OPHN1: variants seen among roughly 807,000 people sequenced by gnomAD.
OPHN1 encodes the protein oligophrenin 1, also known as oligophrenin-1.
In OPHN1, 11 loss-of-function variants were observed where a neutral mutation model predicts 60.7. That is an observed-to-expected ratio of 0.18 (90% confidence interval 0.11 to 0.30). OPHN1 has a LOEUF of 0.30. Ranked by LOEUF, OPHN1 falls within the 10% of genes least tolerant of loss-of-function variation. The probability of loss-of-function intolerance (pLI) is 1.00; values close to 1 mark genes in which losing one functional copy is unlikely to be tolerated. For synonymous variants in OPHN1, 226 were observed against 222.6 expected, an observed-to-expected ratio of 1.02 and a Z score of -0.14; for missense variants, 449 against 611.0, an observed-to-expected ratio of 0.73 and a Z score of 2.80.
chrX:68,118,888 C>T (rs113092478), intron 16 of OPHN1, among the ~76,000 whole-genome samples: 1,376 of 111,963 alleles, frequency 0.012, 20 homozygotes, highest in African/African-American at 0.043. Context: ...TTATTATCCT[C>T]TAAAACATGT....
chrX:68,234,875 A>G (rs1044554132), intron 5 of OPHN1, among the ~76,000 whole-genome samples: 1 of 112,436 alleles, frequency 8.9e-6, no homozygotes, highest in African/African-American at 3.2e-5. Flanking sequence ...GGGCCTGTGC[A>G]GTAGATATAT....
At chrX:68,183,297 A>G (rs1340909880) in intron 15 of OPHN1, among the ~76,000 whole-genome samples, 2 of 112,102 alleles carry the variant, frequency 1.8e-5, no homozygotes, top group Non-Finnish European at 3.8e-5. Context: ...TGGCTTCAGA[A>G]GATACAATAC....
At chrX:68,283,921 C>A (rs1473832121) in intron 3 of OPHN1, among the ~76,000 whole-genome samples, 1 of 111,927 alleles carries the variant, frequency 8.9e-6, no homozygotes, top group African/African-American at 3.2e-5. Flanking sequence ...AATGACATTT[C>A]TTTCTTCTTC....
At chrX:68,111,987 G>A in intron 17 of OPHN1, 28 bp from the exon 18 acceptor site, 1 of 1,079,501 alleles carries the variant, frequency 9.3e-7, no homozygotes, top group Non-Finnish European at 1.3e-6. Context: ...GAGATAAATG[G>A]TTTGGCTTTC....
At chrX:68,426,962 C>A (rs1429004744) in intron 2 of OPHN1, among the ~76,000 whole-genome samples, 2 of 104,901 alleles carry the variant, frequency 1.9e-5, no homozygotes, top group African/African-American at 3.4e-5. Flanking sequence ...TTTAGAAATT[C>A]TCTTTTAGGC....
chrX:68,258,962 A>G (rs905965412), intron 5 of OPHN1, among the ~76,000 whole-genome samples: 1 of 112,241 alleles, frequency 8.9e-6, no homozygotes, highest in African/African-American at 3.2e-5. Flanking sequence ...ATGAGTGATG[A>G]TATAAATTGA....
rs960901605 is a variant in OPHN1 at position 68,113,474 on chromosome X, G to A, written c.1362-235C>T. Among the ~76,000 whole-genome samples, 10 of 111,581 alleles carry A rather than the reference G, an allele frequency of 9.0e-5. No homozygotes were observed. In the Admixed American group the frequency reaches 9.5e-4, roughly 11 times the overall value. On this transcript the variant is annotated intron_variant, in intron 16 of 24. Transcript: ENST00000355520. ...CAAGGTCTCCAACTAGCTCCCAGAAGTAAAAAGAGGCACAAACCAGTCCTG... is the reference window on the plus strand; with the variant it reads ...CAAGGTCTCCAACTAGCTCCCAGAAATAAAAAGAGGCACAAACCAGTCCTG...
intron 15 of OPHN1, among the ~76,000 whole-genome samples, chrX:68,176,981 T>G (rs756237932): frequency 6.5e-5 from 7 of 107,360 alleles, no homozygotes; most frequent in Admixed American, 2.0e-4. Flanking sequence ...TACATATATA[T>G]ATATATATAT....
intron 2 of OPHN1, among the ~76,000 whole-genome samples, chrX:68,418,108 A>G (rs1015879351): frequency 4.5e-5 from 5 of 112,322 alleles, no homozygotes; most frequent in Admixed American, 3.8e-4. Flanking sequence ...AGGAGGCAAA[A>G]GAACTGGTCC....
chrX:68,168,126 T>C (rs928253097), intron 15 of OPHN1, among the ~76,000 whole-genome samples: 5 of 110,651 alleles, frequency 4.5e-5, no homozygotes, highest in African/African-American at 1.6e-4. Flanking sequence ...TACCCAGGAA[T>C]TGAACTCAGC....
intron 2 of OPHN1, among the ~76,000 whole-genome samples, chrX:68,323,719 G>A (rs1569280198): frequency 3.6e-5 from 4 of 112,037 alleles, no homozygotes; most frequent in African/African-American, 1.3e-4. Flanking sequence ...TCTCATTCAT[G>A]AAGATAAATG....
intron 19 of OPHN1, among the ~76,000 whole-genome samples, chrX:68,090,187 T>C (rs1485336722): frequency 2.7e-5 from 3 of 110,253 alleles, no homozygotes; most frequent in Admixed American, 1.9e-4. Context: ...CTTGGCTTAA[T>C]TAGATTCTCT....
intron 21 of OPHN1, among the ~76,000 whole-genome samples, chrX:68,054,228 G>A (rs1303864771): frequency 9.0e-6 from 1 of 111,340 alleles, no homozygotes; most frequent in Non-Finnish European, 1.9e-5. Context: ...CATCATCACT[G>A]ATATCCAGGT....
In OPHN1 at chrX:68,194,479, G is replaced by A; in HGVS notation, c.1124C>T (p.Thr375Ile). 2 of 1,207,468 alleles carry A rather than the reference G, an allele frequency of 1.7e-6. No homozygotes were observed. Among genetic ancestry groups the A allele is most frequent in the Non-Finnish European group, 2.2e-6 (2 of 891,892 alleles). The change falls in exon 13 of 25, where the codon ACA (threonine) becomes ATA (isoleucine). Residue 375 changes from threonine (T) to isoleucine (I), a missense_variant. Transcript: ENST00000355520. Reference protein sequence around the residue: ...GKEPIYHSPITKQQEMELNEV... With the variant: ...GKEPIYHSPIIKQQEMELNEV... Reference sequence around the variant, plus strand: ...AAGTGACTCACTTTCTTGCTGTTTTGTTATAGGGCTGTGGTAGATCTACAA... The same window carrying A: ...AAGTGACTCACTTTCTTGCTGTTTTATTATAGGGCTGTGGTAGATCTACAA...
Position 68,111,478 on chromosome X carries a change from C to G in OPHN1, c.1526+376G>C, listed in dbSNP as rs143567346. On this transcript the variant is annotated intron_variant, in intron 18 of 24. Coordinates refer to ENST00000355520, the MANE Select transcript of OPHN1 (RefSeq NM_002547.3). ...TGACATGCATTTTACCTGTGTTCAT[C>G]CTAATCCACACAACTGGCCTTCATT... 1.2e-3 allele frequency among the ~76,000 whole-genome samples: 132 copies of G among 112,471 alleles called. 1 individual carries two copies. The East Asian group carries it at 0.023, about 19-fold the overall frequency.
At chrX:68,244,051 T>TC (rs1252891969) in intron 5 of OPHN1, among the ~76,000 whole-genome samples, 1 of 112,278 alleles carries the variant, frequency 8.9e-6, no homozygotes, top group Non-Finnish European at 1.9e-5. Flanking sequence ...ACCTACAAAA[T>TC]CCCCTATGAT....
At chrX:68,221,715 G>A (rs1397294330) in intron 6 of OPHN1, among the ~76,000 whole-genome samples, 1 of 96,647 alleles carries the variant, frequency 1.0e-5, no homozygotes, top group Non-Finnish European at 2.1e-5. Context: ...TGGGAAAACT[G>A]GCTAGCCATA....
At chrX:68,187,409 G>A (rs1298578701) in intron 15 of OPHN1, among the ~76,000 whole-genome samples, 3 of 109,166 alleles carry the variant, frequency 2.7e-5, no homozygotes, top group African/African-American at 1.0e-4. Context: ...CCAGAGTGAT[G>A]GCAGCATGAG....
intron 2 of OPHN1, among the ~76,000 whole-genome samples, chrX:68,396,933 T>TC (rs773827672): frequency 6.6e-4 from 74 of 111,685 alleles, no homozygotes; most frequent in Non-Finnish European, 1.2e-3. Flanking sequence ...CAGGGGAGCT[T>TC]CCCCCCAGGG....
Sources: allele counts gnomAD v4.1 joint callset (sites outside exome capture counted in the v4.1 genomes callset), GRCh38; gene constraint gnomAD v4.1.1; transcripts MANE v1.5; gene names NCBI Gene and HGNC (gene_info 2026-07-23, HGNC 2026-07-21).